The following KAZN variants were observed in gnomAD, a reference collection of about 807,000 sequenced individuals.
The protein encoded by KAZN is kazrin, periplakin interacting protein, also known as kazrin.
A neutral mutation model predicts 87.4 loss-of-function variants in KAZN; 40 were observed. The ratio of observed to expected loss-of-function variants is 0.46; its 90% confidence interval spans 0.36 to 0.60. The LOEUF (loss-of-function observed/expected upper bound fraction) is 0.60. Among genes scored for constraint, KAZN ranks in the 20% least tolerant of loss-of-function variants. KAZN has a pLI of 0.00. For missense variants in KAZN, 898 were observed against 1,073.9 expected, an observed-to-expected ratio of 0.84 and a Z score of 2.29; for synonymous variants, 466 against 458.3, an observed-to-expected ratio of 1.02 and a Z score of -0.22.
Position 15,114,934 on chromosome 1 carries a change from G to A in KAZN, c.*299G>A, listed in dbSNP as rs1641790191. 1 of 250,122 alleles carries A rather than the reference G, an allele frequency of 4.0e-6. No individual in the cohort carries two copies. The highest frequency in any genetic ancestry group is 5.0e-5 in the Admixed American group (1 of 20,020). The allele number at this position is 250,122 out of a possible 1,614,324, so 15.5% of individuals were successfully genotyped here. The stretch of plus-strand genomic sequence containing the variant: ...CAGGATACACAGGCTCCACCTCAGA[G>A]TGACCGTCACTGTGGAGCAGCCAAG... On this transcript the variant is annotated 3_prime_UTR_variant, in exon 15 of 15. Coordinates refer to ENST00000376030, the MANE Select transcript of KAZN (RefSeq NM_201628.3).
chr1:14,097,926 G>A (rs933631908), intron 1 of KAZN, among the ~76,000 whole-genome samples: 1 of 152,112 alleles, frequency 6.6e-6, no homozygotes, highest in Non-Finnish European at 1.5e-5. Context: ...GGGAATATTA[G>A]CATGCCATGA....
chr1:14,575,854 A>T (rs2148553514), intron 2 of KAZN, among the ~76,000 whole-genome samples: 1 of 152,286 alleles, frequency 6.6e-6, no homozygotes, highest in South Asian at 2.1e-4. Flanking sequence ...TTCTGGGATG[A>T]GGGGGACAGT....
At chr1:14,592,795 G>A (rs1487294777) in intron 2 of KAZN, among the ~76,000 whole-genome samples, 1 of 152,206 alleles carries the variant, frequency 6.6e-6, no homozygotes, top group Non-Finnish European at 1.5e-5. Flanking sequence ...TCACTCACTG[G>A]CTTCCCTTTC....
intron 1 of KAZN, among the ~76,000 whole-genome samples, chr1:14,755,246 C>G (rs1263165089): frequency 6.6e-6 from 1 of 152,072 alleles, no homozygotes; most frequent in East Asian, 1.9e-4. Flanking sequence ...GAGTAAGACC[C>G]TGTCTCAAAA....
intron 2 of KAZN, among the ~76,000 whole-genome samples, chr1:14,436,062 T>C (rs972363311): frequency 3.9e-5 from 6 of 152,134 alleles, no homozygotes; most frequent in South Asian, 2.1e-4. Context: ...ACCCCATCTC[T>C]ACTAAAAATA....
intron 2 of KAZN, among the ~76,000 whole-genome samples, chr1:14,493,345 T>C (rs1669780050): frequency 6.6e-6 from 1 of 152,176 alleles, no homozygotes; most frequent in African/African-American, 2.4e-5. Flanking sequence ...TGGTGTGGGT[T>C]GTGATGGTTC....
chr1:13,999,617 A>G (rs1476719499), intron 1 of KAZN, among the ~76,000 whole-genome samples: 1 of 152,216 alleles, frequency 6.6e-6, no homozygotes, highest in Non-Finnish European at 1.5e-5. Flanking sequence ...AAGATCTCAA[A>G]TCAACCCTAA....
chr1:13,907,495 C>CTG (rs150233453), intron 1 of KAZN, among the ~76,000 whole-genome samples: 18 of 137,644 alleles, frequency 1.3e-4, no homozygotes, highest in East Asian at 1.0e-3. Context: ...GTGTATGAGG[C>CTG]TGTGTGTGTG....
At chr1:14,347,771 T>C (rs75805192) in intron 2 of KAZN, among the ~76,000 whole-genome samples, 23,774 of 152,144 alleles carry the variant, frequency 0.16, 2,443 homozygotes, top group Middle Eastern at 0.28. Context: ...ACAAAGTGAG[T>C]AGTTCTCTGG....
intron 1 of KAZN, among the ~76,000 whole-genome samples, chr1:14,801,552 A>T (rs891929995): frequency 6.6e-6 from 1 of 152,056 alleles, no homozygotes; most frequent in Non-Finnish European, 1.5e-5. Context: ...GCCTCCCCAG[A>T]TAGTGGCCGT....
At chr1:15,085,442 C>T (rs376672119) in intron 8 of KAZN, among the ~76,000 whole-genome samples, 176 of 152,344 alleles carry the variant, frequency 1.2e-3, no homozygotes, top group African/African-American at 4.1e-3. Context: ...ATTCTCCTGC[C>T]TCAGCCTCCT....
intron 2 of KAZN, among the ~76,000 whole-genome samples, chr1:14,450,635 T>C (rs549844119): frequency 6.6e-6 from 1 of 152,162 alleles, no homozygotes; most frequent in East Asian, 1.9e-4. Context: ...AGCTGCTGCA[T>C]GGTAGTGCCA....
chr1:13,989,129 G>C (rs749081512), intron 1 of KAZN, among the ~76,000 whole-genome samples: 1 of 152,104 alleles, frequency 6.6e-6, no homozygotes, highest in Non-Finnish European at 1.5e-5. Context: ...TAACAAACTC[G>C]CTTCTGTGAT....
intron 2 of KAZN, among the ~76,000 whole-genome samples, chr1:14,428,243 T>C (rs145201276): frequency 9.8e-5 from 15 of 152,294 alleles, no homozygotes; most frequent in African/African-American, 3.6e-4. Context: ...TTTGGGTTAC[T>C]AAATGAGCTC....
chr1:15,018,143 G>C (rs949727423), intron 2 of KAZN, among the ~76,000 whole-genome samples: 3 of 151,954 alleles, frequency 2.0e-5, no homozygotes, highest in African/African-American at 7.3e-5. Flanking sequence ...GAAGTCTAAA[G>C]TGTGTACGTC....
chr1:14,977,502 G>A (rs890886929), intron 2 of KAZN, among the ~76,000 whole-genome samples: 8 of 152,214 alleles, frequency 5.3e-5, no homozygotes, highest in Admixed American at 1.3e-4. Context: ...CCTATTATGT[G>A]GCCACCAGAT....
chr1:14,508,052 C>T lies in KAZN; in HGVS notation c.250-90931C>T, dbSNP rs574553752. Among the ~76,000 whole-genome samples, 6 of 146,548 alleles carry T rather than the reference C, an allele frequency of 4.1e-5. No individual in the cohort carries two copies. The South Asian group carries it at 1.3e-3, about 32-fold the overall frequency. The stretch of plus-strand genomic sequence containing the variant: ...AAGACTCTCTCAGATGGACCCAATT[C>T]TTGTGACCCCCCAGTACCCTGCCTC... On this transcript the variant is annotated intron_variant, in intron 2 of 16. Coordinates refer to the KAZN transcript ENST00000636203.
Position 14,061,131 on chromosome 1 carries a change from C to T in KAZN, c.92-119304C>T, listed in dbSNP as rs188608583. ...ATTAACTCTGTGAGTGTCCAGCAAA[C>T]GGGGGAGTATTCACAAAGGATAAGA... is the stretch of plus-strand genomic sequence containing the variant. On this transcript the variant is annotated intron_variant, in intron 1 of 16. Coordinates refer to the KAZN transcript ENST00000636203. 2.2e-4 allele frequency among the ~76,000 whole-genome samples: 34 copies of T among 152,200 alleles called. No homozygotes were observed. The East Asian group carries it at 5.2e-3, about 23-fold the overall frequency.
chr1:14,664,755 G>A (rs1383794612), intron 1 of KAZN, among the ~76,000 whole-genome samples: 13 of 151,020 alleles, frequency 8.6e-5, no homozygotes, highest in South Asian at 4.2e-4. Context: ...CCAGGTTCAC[G>A]GTATTCTCCT....
Sources: gnomAD v4.1 joint callset for allele counts (sites outside exome capture counted in the v4.1 genomes callset) on GRCh38, gnomAD v4.1.1 for gene constraint, MANE v1.5 for transcripts, NCBI Gene and HGNC (gene_info 2026-07-23, HGNC 2026-07-21) for gene names.